Variants in TYR observed in about 807,000 individuals in gnomAD.
TYR encodes the protein tyrosinase, also known as LB24-AB.
In TYR, 58 loss-of-function variants were observed where a neutral mutation model predicts 51.5. That is an observed-to-expected ratio of 1.13 (90% CI 0.91 to 1.40). The LOEUF (loss-of-function observed/expected upper bound fraction) is 1.40. Among genes scored for constraint, TYR ranks in the 40% most tolerant of loss-of-function variants. TYR has a pLI of 0.00. For synonymous variants in TYR, 263 were observed against 235.2 expected, an observed-to-expected ratio of 1.12 and a Z score of -1.08; for missense variants, 732 against 647.4, an observed-to-expected ratio of 1.13 and a Z score of -1.42.
chr11:89,244,035 CT>C (rs1944234739), intron 3 of TYR, among the ~76,000 whole-genome samples: 1 of 151,918 alleles, frequency 6.6e-6, no homozygotes, highest in Non-Finnish European at 1.5e-5. Context: ...ATTTTATTTC[CT>C]TTGTGTTTTA....
chr11:89,294,650 C>T (rs1160427074), intron 4 of TYR, among the ~76,000 whole-genome samples: 3 of 152,206 alleles, frequency 2.0e-5, no homozygotes, highest in Admixed American at 6.5e-5. Context: ...AGACTGTGAC[C>T]TCTGTGAATA....
intron 1 of TYR, among the ~76,000 whole-genome samples, chr11:89,187,315 C>T (rs1171392128): frequency 1.3e-5 from 2 of 152,008 alleles, no homozygotes; most frequent in Non-Finnish European, 2.9e-5. Context: ...GTAGGACACA[C>T]CAAGTAGTAA....
intron 3 of TYR, among the ~76,000 whole-genome samples, chr11:89,276,498 C>G (rs1417633916): frequency 7.2e-5 from 11 of 151,838 alleles, no homozygotes; most frequent in African/African-American, 1.7e-4. Context: ...CTTTCTCTCT[C>G]TCTGCCTTTT....
chr11:89,231,829 C>CA (rs1944054672), intron 3 of TYR, among the ~76,000 whole-genome samples: 1 of 140,414 alleles, frequency 7.1e-6, no homozygotes. Flanking sequence ...ACTAAAAATA[C>CA]AAAAATTTCG....
At chr11:89,184,744 A>T (rs1300958604) in intron 1 of TYR, among the ~76,000 whole-genome samples, 1 of 152,196 alleles carries the variant, frequency 6.6e-6, no homozygotes, top group Non-Finnish European at 1.5e-5. Flanking sequence ...AGTCTAAAAA[A>T]CATGTTCATT....
chr11:89,222,117 C>T (rs1031249211), intron 2 of TYR, among the ~76,000 whole-genome samples: 1 of 152,132 alleles, frequency 6.6e-6, no homozygotes, highest in Non-Finnish European at 1.5e-5. Context: ...ATTTTAAAGG[C>T]AGAAGGATTT....
In TYR at chr11:89,178,066, C is replaced by G. The variant is rs759624945; in HGVS notation, c.113C>G (p.Pro38Arg). 6.2e-7 allele frequency: 1 copy of G among 1,614,114 alleles called. No homozygotes were observed. Residue 38 changes from proline to arginine, a missense_variant, in exon 1 of 5, where the codon CCG becomes CGG. By Grantham distance (103) the Pro-to-Arg change is moderately radical (BLOSUM62 -2). Coordinates refer to ENST00000263321, the MANE Select transcript of TYR (RefSeq NM_000372.5). ...KNLMEKECCPPWSGDRSPCGQ... is the reference protein window; with the variant it reads ...KNLMEKECCPRWSGDRSPCGQ... Reference sequence around the variant, plus strand: ...CTGATGGAGAAGGAATGCTGTCCACCGTGGAGCGGGGACAGGAGTCCCTGT... The same window carrying G: ...CTGATGGAGAAGGAATGCTGTCCACGGTGGAGCGGGGACAGGAGTCCCTGT...
At chr11:89,217,334 T>C (rs1786487943) in intron 2 of TYR, among the ~76,000 whole-genome samples, 1 of 152,184 alleles carries the variant, frequency 6.6e-6, no homozygotes, top group Non-Finnish European at 1.5e-5. Flanking sequence ...AATTTCTTGC[T>C]CATCCAAAAT....
chr11:89,212,677 C>A (rs769661266), intron 2 of TYR, among the ~76,000 whole-genome samples: 51 of 152,078 alleles, frequency 3.4e-4, no homozygotes, highest in Non-Finnish European at 6.0e-4. Context: ...AACATCGATG[C>A]GAAAATCCTC....
Position 89,178,261 on chromosome 11 carries a change from G to T in TYR, c.308G>T (p.Cys103Phe), listed in dbSNP as rs1943252098. 1 of 1,614,196 alleles carries T rather than the reference G, an allele frequency of 6.2e-7. No individual in the cohort carries two copies. Among genetic ancestry groups the T allele is most frequent in the Non-Finnish European group, 8.5e-7 (1 of 1,180,042 alleles). Residue 103 changes from cysteine (C) to phenylalanine (F), a missense_variant, in exon 1 of 5, where the codon TGC becomes TTC. Coordinates refer to ENST00000263321, the MANE Select transcript of TYR (RefSeq NM_000372.5). ...TTCATGGGATTCAACTGTGGAAACTGCAAGTTTGGCTTTTGGGGACCAAAC... is the reference window on the plus strand; with the variant it reads ...TTCATGGGATTCAACTGTGGAAACTTCAAGTTTGGCTTTTGGGGACCAAAC... ...GNFMGFNCGNCKFGFWGPNCT... is the reference protein window; with the variant it reads ...GNFMGFNCGNFKFGFWGPNCT...
intron 2 of TYR, among the ~76,000 whole-genome samples, chr11:89,208,143 A>G (rs1273125688): frequency 1.3e-5 from 2 of 152,044 alleles, no homozygotes; most frequent in Non-Finnish European, 2.9e-5. Context: ...GGTGGCGGGC[A>G]CCTGTAGTAC....
intron 1 of TYR, among the ~76,000 whole-genome samples, chr11:89,190,856 G>A (rs1943434037): frequency 6.6e-6 from 1 of 152,096 alleles, no homozygotes; most frequent in Non-Finnish European, 1.5e-5. Context: ...AGGTTTAGAT[G>A]TATAGATACT....
At chr11:89,239,247 C>A (rs887547113) in intron 3 of TYR, among the ~76,000 whole-genome samples, 1 of 152,102 alleles carries the variant, frequency 6.6e-6, no homozygotes, top group African/African-American at 2.4e-5. Context: ...TACTAATTCA[C>A]TCTCTGTACT....
intron 2 of TYR, among the ~76,000 whole-genome samples, chr11:89,205,837 G>A (rs1943665050): frequency 6.6e-6 from 1 of 152,088 alleles, no homozygotes; most frequent in Admixed American, 6.5e-5. Flanking sequence ...TTTCTAAATT[G>A]TGATTTAATG....
chr11:89,218,145 T>G (rs1182928487), intron 2 of TYR, among the ~76,000 whole-genome samples: 2 of 152,052 alleles, frequency 1.3e-5, no homozygotes, highest in African/African-American at 4.8e-5. Context: ...CATAAAAACA[T>G]AAGGGTTAAA....
At chr11:89,261,690 A>G (rs925858685) in intron 3 of TYR, among the ~76,000 whole-genome samples, 7 of 152,120 alleles carry the variant, frequency 4.6e-5, no homozygotes, top group Admixed American at 3.9e-4. Flanking sequence ...GCGCAATACT[A>G]TATGCCAATG....
At chr11:89,226,837 C>T (rs1181629440) in intron 2 of TYR, among the ~76,000 whole-genome samples, 1 of 151,876 alleles carries the variant, frequency 6.6e-6, no homozygotes, top group Non-Finnish European at 1.5e-5. Flanking sequence ...AATAATATGC[C>T]CTTCGTCGTG....
intron 4 of TYR, among the ~76,000 whole-genome samples, chr11:89,289,807 A>C (rs1477219980): frequency 1.3e-5 from 2 of 152,064 alleles, no homozygotes; most frequent in South Asian, 4.1e-4. Flanking sequence ...CTAGTTTGAG[A>C]ATCCAGAAGA....
At chr11:89,263,138 A>G (rs1944483056) in intron 3 of TYR, among the ~76,000 whole-genome samples, 1 of 151,930 alleles carries the variant, frequency 6.6e-6, no homozygotes, top group Non-Finnish European at 1.5e-5. Flanking sequence ...CCAGCAGCAT[A>G]TAAAAATGTT....
Sources: gnomAD v4.1 joint callset for allele counts (sites outside exome capture counted in the v4.1 genomes callset) on GRCh38, gnomAD v4.1.1 for gene constraint, MANE v1.5 for transcripts, NCBI Gene and HGNC (gene_info 2026-07-23, HGNC 2026-07-21) for gene names.